The following GDAP2 variants were observed in gnomAD, a reference collection of about 807,000 sequenced individuals.
GDAP2 encodes the protein ganglioside induced differentiation associated protein 2, also known as ganglioside-induced differentiation-associated protein 2.
In GDAP2, 51 loss-of-function variants were observed where a neutral mutation model predicts 67.0. The observed-to-expected ratio is 0.76, with a 90% CI of 0.61 to 0.96. The LOEUF (loss-of-function observed/expected upper bound fraction) is 0.96. Among genes scored for constraint, GDAP2 ranks in the 40% least tolerant of loss-of-function variants. The pLI, the probability that GDAP2 is intolerant of heterozygous loss-of-function variation, is 0.00. For synonymous variants in GDAP2, 203 were observed against 207.3 expected (o/e 0.98, Z 0.18); for missense variants, 547 against 588.3 (o/e 0.93, Z 0.73).
rs777699200 is a variant in GDAP2 at position 117,918,706 on chromosome 1, T to C, written c.207A>G (p.Thr69=). The change falls in exon 3 of 14, where the codon ACA becomes ACG. Residue 69 remains threonine, a synonymous_variant. Coordinates refer to ENST00000369443, the MANE Select transcript of GDAP2 (RefSeq NM_017686.4). ...TTTCATTGCTGGTATTCACAATGGC[T>C]GTACAGTTCAGTAATGCCACATCTC... ...WKGDVALLNC[T]AIVNTSNESL... 8.8e-6 allele frequency: 14 copies of C among 1,596,094 alleles called. No individual in the cohort carries two copies. Among genetic ancestry groups the C allele is most frequent in the Admixed American group, 1.7e-5 (1 of 59,994 alleles).
At chr1:117,918,864 C>CA in intron 2 of GDAP2, 128 bp from the exon 3 acceptor site, 1 of 725,542 alleles carries the variant, frequency 1.4e-6, no homozygotes, top group Non-Finnish European at 2.3e-6. Flanking sequence ...ACAAGCTAAG[C>CA]AATAGTAGAA....
At chr1:117,881,802 C>T (rs757474211) in intron 12 of GDAP2, 21 bp downstream of exon 12, 1 of 1,363,648 alleles carries the variant, frequency 7.3e-7, no homozygotes, top group Non-Finnish European at 1.1e-6. Flanking sequence ...CTAGATTTAA[C>T]CAAAGAGAAA....
intron 10 of GDAP2, among the ~76,000 whole-genome samples, chr1:117,884,642 G>A (rs904280018): frequency 2.0e-5 from 3 of 152,004 alleles, no homozygotes; most frequent in Admixed American, 2.0e-4. Flanking sequence ...GATACATCAT[G>A]AATATCCAGA....
At chr1:117,883,718 G>C in intron 10 of GDAP2, 91 bp from the exon 11 acceptor site, 64 of 834,610 alleles carry the variant, frequency 7.7e-5, no homozygotes, top group Middle Eastern at 3.1e-4. Context: ...AAACAAAATA[G>C]AAAATTAACC....
Position 117,906,514 on chromosome 1 carries a change from G to T in GDAP2, c.628C>A (p.Leu210Ile). ...IEKVVFAVSDLEEGTYQKLLP... is the reference protein window; with the variant it reads ...IEKVVFAVSDIEEGTYQKLLP... ...AACAGTTAGCAAAATACCTCTTCAA[G>T]ATCAGAGACAGCAAATACTACTTTT... Residue 210 changes from leucine to isoleucine, a missense_variant, in exon 6 of 14, where the codon CTT (leucine) becomes ATT (isoleucine). Leu to Ile is a conservative substitution (Grantham distance 5). Coordinates refer to ENST00000369443, the MANE Select transcript of GDAP2 (RefSeq NM_017686.4). The T allele has an allele frequency of 1.3e-6, 2 of 1,539,796 alleles. No homozygotes were observed. The highest frequency in any genetic ancestry group is 1.8e-6 in the Non-Finnish European group (2 of 1,116,942).
rs1465865020 is a variant in GDAP2, at chr1:117,866,510, A to T, written c.*4059T>A. The stretch of plus-strand genomic sequence containing the variant: ...AAGAAGCATTAGTGCCAGCACAGTT[A>T]AAACACTCTAGCGCACGTTAATTAT... On this transcript the variant is annotated 3_prime_UTR_variant, in exon 14 of 14. Transcript: ENST00000369443. The T allele has an allele frequency of 1.3e-5, 2 of 152,198 alleles. No homozygotes were observed. Among genetic ancestry groups the T allele is most frequent in the Non-Finnish European group, 2.9e-5 (2 of 68,036 alleles). The allele number at this position is 152,198 out of a possible 1,614,324, so 9.4% of individuals were successfully genotyped here.
chr1:117,922,945 C>G (rs530021887), intron 1 of GDAP2, among the ~76,000 whole-genome samples: 4 of 152,216 alleles, frequency 2.6e-5, no homozygotes, highest in African/African-American at 9.6e-5. Context: ...GACACTCCCA[C>G]GGTGGACATT....
Position 117,870,481 on chromosome 1 carries a change from T to C in GDAP2, c.*88A>G. The stretch of plus-strand genomic sequence containing the variant: ...GGGGACAAAAGGCTCTCTGGATCTG[T>C]ACAGCAACAATGAATATCACTTCAA... On this transcript the variant is annotated 3_prime_UTR_variant, in exon 14 of 14. Transcript: ENST00000369443. 4.6e-6 allele frequency: 4 copies of C among 865,802 alleles called. No homozygotes were observed. The highest frequency in any genetic ancestry group is 8.0e-6 in the Non-Finnish European group (4 of 498,798). The allele number at this position is 865,802 out of a possible 1,614,324, so 53.6% of individuals were successfully genotyped here.
chr1:117,886,105 A>C (rs1472950498), intron 10 of GDAP2, among the ~76,000 whole-genome samples: 1 of 152,044 alleles, frequency 6.6e-6, no homozygotes, highest in Non-Finnish European at 1.5e-5. Flanking sequence ...TCTTATTTTT[A>C]TCTACCAGTT....
chr1:117,901,690 A>AT (rs113776728), intron 6 of GDAP2, among the ~76,000 whole-genome samples: 9,273 of 150,900 alleles, frequency 0.061, 668 homozygotes, highest in African/African-American at 0.17. Context: ...ATTATGTTTA[A>AT]TTTTTTTTTT....
intron 13 of GDAP2, among the ~76,000 whole-genome samples, chr1:117,877,044 T>C (rs1648480434): frequency 1.3e-5 from 2 of 152,224 alleles, no homozygotes; most frequent in Non-Finnish European, 1.5e-5. Flanking sequence ...ATGTACTCTT[T>C]TCTCTTTCCT....
At chr1:117,904,604 T>C (rs940664771) in intron 6 of GDAP2, among the ~76,000 whole-genome samples, 1 of 152,226 alleles carries the variant, frequency 6.6e-6, no homozygotes, top group Non-Finnish European at 1.5e-5. Context: ...AGACTTTTAT[T>C]CTCTGTTCCT....
chr1:117,883,418 T>C (rs1289899536), intron 11 of GDAP2, 70 bp downstream of exon 11: 3 of 1,099,648 alleles, frequency 2.7e-6, no homozygotes, highest in Non-Finnish European at 4.1e-6. Flanking sequence ...TACAAAGCAA[T>C]GTTTGCCACT....
At chr1:117,889,111 T>G (rs770395892) in intron 8 of GDAP2, among the ~76,000 whole-genome samples, 19 of 152,194 alleles carry the variant, frequency 1.2e-4, no homozygotes, top group Non-Finnish European at 2.8e-4. Flanking sequence ...ATGCCTATGT[T>G]TATTGTAGTT....
At chr1:117,877,352 A>G in intron 13 of GDAP2, 2 of 983,230 alleles carry the variant, frequency 2.0e-6, no homozygotes, top group Non-Finnish European at 2.4e-6. Flanking sequence ...AGCAATCAGC[A>G]ACAGTTAAAC....
At chr1:117,885,506 C>T (rs1027704300) in intron 10 of GDAP2, among the ~76,000 whole-genome samples, 1 of 152,146 alleles carries the variant, frequency 6.6e-6, no homozygotes, top group African/African-American at 2.4e-5. Flanking sequence ...CAGTACTTGC[C>T]TCTGTAACCA....
At position 117,918,075 on chromosome 1, in the gene GDAP2, T is replaced by C. The variant is rs143711173; in HGVS notation, c.316+522A>G. ...GAAACCAGTTGTCAGTGTTAAATGATAGAAGGGAAGGAAAGCAAGATTTCA... is the reference window on the plus strand; with the variant it reads ...GAAACCAGTTGTCAGTGTTAAATGACAGAAGGGAAGGAAAGCAAGATTTCA... On this transcript the variant is annotated intron_variant, in intron 3 of 13. Transcript: ENST00000369443. Among the ~76,000 whole-genome samples, 559 of 152,294 alleles carry C rather than the reference T, an allele frequency of 3.7e-3. 5 individuals are homozygous for C. Among genetic ancestry groups the C allele is most frequent in the Middle Eastern group, 0.02 (6 of 294 alleles).
intron 10 of GDAP2, among the ~76,000 whole-genome samples, chr1:117,884,275 C>T (rs976678432): frequency 1.3e-4 from 20 of 152,024 alleles, no homozygotes; most frequent in Non-Finnish European, 2.9e-4. Flanking sequence ...TTAATGTGAC[C>T]CAGATTGGTT....
intron 6 of GDAP2, among the ~76,000 whole-genome samples, chr1:117,905,506 C>T (rs1649625369): frequency 6.6e-6 from 1 of 152,174 alleles, no homozygotes; most frequent in Admixed American, 6.5e-5. Context: ...CTATGGGAAG[C>T]ATTTCCTAAC....
Sources: allele counts gnomAD v4.1 joint callset (sites outside exome capture counted in the v4.1 genomes callset), GRCh38; gene constraint gnomAD v4.1.1; transcripts MANE v1.5; gene names NCBI Gene and HGNC (gene_info 2026-07-23, HGNC 2026-07-21).